Variants in MAF observed in about 807,000 individuals in gnomAD.
The protein encoded by MAF is MAF bZIP transcription factor, also known as transcription factor Maf.
A neutral mutation model predicts 22.0 loss-of-function variants in MAF; 10 were observed. The observed-to-expected ratio is 0.45, with a 90% confidence interval of 0.28 to 0.77. MAF has a LOEUF of 0.77. MAF is among the 30% of genes least tolerant of loss of function. The pLI, the probability that MAF is intolerant of heterozygous loss-of-function variation, is 0.12. For missense variants in MAF, 544 were observed against 548.4 expected (o/e 0.99, Z 0.08); for synonymous variants, 337 against 255.8 (o/e 1.32, Z -3.03).
the MAF span, among the ~76,000 whole-genome samples, chr16:79,461,889 C>A: frequency 6.6e-6 from 1 of 152,224 alleles, no homozygotes; most frequent in East Asian, 1.9e-4. Flanking sequence ...ACCAGCCCTA[C>A]CATGATTTTT....
At chr16:79,251,718 C>T in the MAF span, among the ~76,000 whole-genome samples, 2 of 152,308 alleles carry the variant, frequency 1.3e-5, no homozygotes, top group Admixed American at 1.3e-4. Context: ...AGTGCAATCC[C>T]TGGGGTCACA....
chr16:79,517,605 C>T, the MAF span, among the ~76,000 whole-genome samples: 5 of 125,698 alleles, frequency 4.0e-5, no homozygotes, highest in African/African-American at 1.6e-4. Flanking sequence ...GATGGAGTCT[C>T]GCTCTATTAC....
the MAF span, among the ~76,000 whole-genome samples, chr16:79,302,099 C>T: frequency 1.4e-3 from 215 of 152,314 alleles, 1 homozygote; most frequent in African/African-American, 4.7e-3. Flanking sequence ...CACTAGGACA[C>T]GCCTTCCTAC....
At chr16:79,511,242 T>G in the MAF span, among the ~76,000 whole-genome samples, 1 of 151,454 alleles carries the variant, frequency 6.6e-6, no homozygotes, top group African/African-American at 2.4e-5. Context: ...AGGAGTTTCC[T>G]TTTCAAAAAA....
chr16:79,409,071 C>G, the MAF span, among the ~76,000 whole-genome samples: 1 of 151,780 alleles, frequency 6.6e-6, no homozygotes. Context: ...GTGAACAGCA[C>G]CTGGAGTTGT....
At chr16:79,559,258 C>T in the MAF span, among the ~76,000 whole-genome samples, 1 of 152,110 alleles carries the variant, frequency 6.6e-6, no homozygotes, top group South Asian at 2.1e-4. Flanking sequence ...TTAGAATGAA[C>T]CACTGTTAGA....
chr16:79,419,542 G>C, the MAF span, among the ~76,000 whole-genome samples: 2 of 152,212 alleles, frequency 1.3e-5, no homozygotes, highest in African/African-American at 4.8e-5. Flanking sequence ...GCCGCACTGA[G>C]CCGGGCAACT....
the MAF span, among the ~76,000 whole-genome samples, chr16:79,384,140 C>T: frequency 6.6e-6 from 1 of 152,054 alleles, no homozygotes; most frequent in South Asian, 2.1e-4. Flanking sequence ...TCTATTTAAG[C>T]ATTGTTTTAA....
chr16:79,293,399 A>G, the MAF span, among the ~76,000 whole-genome samples: 1 of 152,226 alleles, frequency 6.6e-6, no homozygotes, highest in East Asian at 1.9e-4. Context: ...CAGAGAAGAG[A>G]AAATGAAACT....
chr16:79,320,100 T>G, the MAF span, among the ~76,000 whole-genome samples: 3 of 151,868 alleles, frequency 2.0e-5, no homozygotes, highest in African/African-American at 7.3e-5. Flanking sequence ...ACAGGAAGGG[T>G]GGTACAAAGT....
chr16:79,367,371 G>A, the MAF span, among the ~76,000 whole-genome samples: 1 of 152,192 alleles, frequency 6.6e-6, no homozygotes, highest in African/African-American at 2.4e-5. Context: ...TTGAAAGACT[G>A]CAGTTACCAT....
At chr16:79,347,590 G>A in the MAF span, among the ~76,000 whole-genome samples, 1 of 152,018 alleles carries the variant, frequency 6.6e-6, no homozygotes, top group South Asian at 2.1e-4. Context: ...ACCGAGCGGG[G>A]AACAAAAGCG....
At chr16:79,591,377 T>C (rs1913182696), downstream of MAF, among the ~76,000 whole-genome samples, 1 of 152,178 alleles carries the variant, frequency 6.6e-6, no homozygotes, top group Non-Finnish European at 1.5e-5. Flanking sequence ...TTCATCCTCC[T>C]TTCTTGAATT....
the MAF span, among the ~76,000 whole-genome samples, chr16:79,498,249 A>ACGTGGTCTC: frequency 1.3e-4 from 20 of 152,336 alleles, no homozygotes; most frequent in African/African-American, 4.8e-4. Context: ...GTAAAGGGCC[A>ACGTGGTCTC]CGTGGTCTCC....
At chr16:79,408,020 G>A in the MAF span, among the ~76,000 whole-genome samples, 4 of 147,214 alleles carry the variant, frequency 2.7e-5, no homozygotes, top group South Asian at 2.2e-4. Flanking sequence ...TACACATGAA[G>A]AGGCGGGCGC....
chr16:79,597,385 C>T, intron 1 of MAF: 2 of 1,034,756 alleles, frequency 1.9e-6, no homozygotes, highest in Non-Finnish European at 2.3e-6. Flanking sequence ...TAAAACAAAC[C>T]AAAAATAATG....
chr16:79,377,902 C>T, the MAF span, among the ~76,000 whole-genome samples: 1 of 152,194 alleles, frequency 6.6e-6, no homozygotes, highest in Admixed American at 6.5e-5. Flanking sequence ...TGTTTTGGTA[C>T]CAGTACCATG....
chr16:79,368,737 C>A, the MAF span, among the ~76,000 whole-genome samples: 1 of 152,116 alleles, frequency 6.6e-6, no homozygotes, highest in Non-Finnish European at 1.5e-5. Flanking sequence ...TAAACTCCTG[C>A]CTCGGGACTT....
chr16:79,530,688 T>C, the MAF span, among the ~76,000 whole-genome samples: 2 of 152,344 alleles, frequency 1.3e-5, no homozygotes, highest in Non-Finnish European at 2.9e-5. Flanking sequence ...ATTTTTATCA[T>C]CATGTTTTTT....
Sources: allele counts gnomAD v4.1 joint callset (sites outside exome capture counted in the v4.1 genomes callset), GRCh38; gene constraint gnomAD v4.1.1; transcripts MANE v1.5; gene names NCBI Gene and HGNC (gene_info 2026-07-23, HGNC 2026-07-21).